Variants in GPR160 observed in about 807,000 individuals in gnomAD.
GPR160 encodes the protein probable G protein-coupled receptor 160.
Under a neutral mutation model 2.6 loss-of-function variants are expected in GPR160, and 2 were observed. The observed-to-expected ratio is 0.77, with a 90% CI of 0.32 to 2.44. The LOEUF (loss-of-function observed/expected upper bound fraction) is 2.44, where lower values mean the gene tolerates loss of function less well. GPR160 is among the 30% of genes most tolerant of loss of function. GPR160 has a pLI of 0.11. For missense variants in GPR160, 351 were observed against 383.6 expected, an observed-to-expected ratio of 0.91 and a Z score of 0.71; for synonymous variants, 130 against 132.2, an observed-to-expected ratio of 0.98 and a Z score of 0.12.
intron 2 of GPR160, among the ~76,000 whole-genome samples, chr3:170,064,944 C>G (rs1712235658): frequency 6.6e-6 from 1 of 152,138 alleles, no homozygotes; most frequent in Admixed American, 6.5e-5. Context: ...GATTCCCCCA[C>G]CCCACCCTGG....
chr3:170,051,588 G>A (rs1393465922), intron 2 of GPR160, among the ~76,000 whole-genome samples: 3 of 152,108 alleles, frequency 2.0e-5, no homozygotes, highest in East Asian at 1.9e-4. Context: ...AGCTGGGCGC[G>A]GTGGCATGCG....
chr3:170,059,166 C>A (rs527844064), intron 2 of GPR160, among the ~76,000 whole-genome samples: 1 of 152,022 alleles, frequency 6.6e-6, no homozygotes, highest in East Asian at 1.9e-4. Context: ...CTTTTCTGAG[C>A]GTACCTTTTT....
intron 2 of GPR160, among the ~76,000 whole-genome samples, chr3:170,044,795 C>G (rs568308953): frequency 6.6e-6 from 1 of 152,322 alleles, no homozygotes; most frequent in South Asian, 2.1e-4. Flanking sequence ...CCCCATCCTT[C>G]TCTGCCTACC....
chr3:170,066,130 CTTTTTTTTTTTTT>C (rs768660597), intron 2 of GPR160, among the ~76,000 whole-genome samples: 4 of 85,168 alleles, frequency 4.7e-5, no homozygotes, highest in Admixed American at 1.5e-4. Flanking sequence ...TTTTCTTTTT[CTTTTTTTTTTTTT>C]TTTTTTTTTT....
In GPR160 at chr3:170,084,327, G is replaced by GATT. The variant is rs751275473; in HGVS notation, c.359_361dup (p.Tyr120dup). On this transcript the variant is annotated inframe_insertion, in exon 4 of 4. Coordinates refer to ENST00000355897, the MANE Select transcript of GPR160 (RefSeq NM_014373.3). ...TCCAGTTTTCCTGACAGCTTGTATA[G>GATT]ATTATTGCCTGAATTTCTCTAAAAC... The GATT allele has an allele frequency of 1.2e-6, 2 of 1,608,980 alleles. No individual in the cohort carries two copies. The highest frequency in any genetic ancestry group is 1.7e-6 in the Non-Finnish European group (2 of 1,176,794).
chr3:170,058,383 C>T (rs138737280), intron 2 of GPR160, among the ~76,000 whole-genome samples: 60 of 152,260 alleles, frequency 3.9e-4, no homozygotes, highest in East Asian at 2.1e-3. Flanking sequence ...TGTCTGCTCA[C>T]GCCCCACCGG....
Position 170,039,578 on chromosome 3 carries a change from C to T in GPR160, c.-193+535C>T, listed in dbSNP as rs142094110. The stretch of plus-strand genomic sequence containing the variant: ...CAAAAATTAGCTGGGTGTGGTGACA[C>T]GCGCCTGTAATCCCGGCTACTCGGG... On this transcript the variant is annotated intron_variant, in intron 2 of 3. Coordinates refer to ENST00000355897, the MANE Select transcript of GPR160 (RefSeq NM_014373.3). 5.2e-3 allele frequency among the ~76,000 whole-genome samples: 799 copies of T among 152,270 alleles called. 9 individuals carry two copies. The highest frequency in any genetic ancestry group is 0.018 in the African/African-American group (755 of 41,548).
At chr3:170,072,774 C>A (rs987213612) in intron 2 of GPR160, among the ~76,000 whole-genome samples, 1 of 152,152 alleles carries the variant, frequency 6.6e-6, no homozygotes, top group African/African-American at 2.4e-5. Context: ...GATCCACCCC[C>A]ATGACCCAAA....
chr3:170,082,148 T>C (rs1713166660), intron 3 of GPR160, among the ~76,000 whole-genome samples: 1 of 152,214 alleles, frequency 6.6e-6, no homozygotes, highest in South Asian at 2.1e-4. Context: ...ACTACTACTG[T>C]ATTGGTAACT....
chr3:170,042,683 A>AAT, intron 2 of GPR160, among the ~76,000 whole-genome samples: 1 of 148,406 alleles, frequency 6.7e-6, no homozygotes, highest in East Asian at 1.9e-4. Flanking sequence ...AAAAATAAAT[A>AAT]AATAATAATA....
intron 2 of GPR160, among the ~76,000 whole-genome samples, chr3:170,053,235 A>G (rs1475611725): frequency 6.6e-6 from 1 of 152,226 alleles, no homozygotes; most frequent in Non-Finnish European, 1.5e-5. Flanking sequence ...GAGGATTGAC[A>G]TGTTAATAAT....
intron 2 of GPR160, among the ~76,000 whole-genome samples, chr3:170,067,385 A>G (rs1336848544): frequency 1.3e-5 from 2 of 151,896 alleles, no homozygotes; most frequent in Non-Finnish European, 2.9e-5. Context: ...ATCTCTTCAA[A>G]TCCTTTGTTC....
chr3:170,062,542 G>A lies in GPR160; in HGVS notation c.-192-17232G>A, dbSNP rs920478090. On this transcript the variant is annotated intron_variant, in intron 2 of 3. Transcript: ENST00000355897. ...ACACGGAGCACGAAGCCCAAGCACAGAAGATCAAAGACGCCAGGAGAGGAC... is the reference window on the plus strand; with the variant it reads ...ACACGGAGCACGAAGCCCAAGCACAAAAGATCAAAGACGCCAGGAGAGGAC... 7.2e-6 allele frequency: 5 copies of A among 696,142 alleles called. No homozygotes were observed. In the African/African-American group the frequency reaches 9.0e-5, roughly 13 times the overall value. 43.1% of individuals were successfully genotyped at this position (696,142 alleles called of 1,614,324 possible).
chr3:170,066,208 T>C (rs1028571170), intron 2 of GPR160, among the ~76,000 whole-genome samples: 2 of 132,846 alleles, frequency 1.5e-5, no homozygotes, highest in African/African-American at 5.6e-5. Context: ...TGGCACGATC[T>C]CGGCTCCCTG....
chr3:170,084,002 T>C lies in GPR160; in HGVS notation c.30T>C (p.Ser10=). MTALSSENC[S]FQYQLRQTNQ... ...CTGCTCTCTCTTCAGAGAACTGCTCTTTTCAGTACCAGTTACGTCAAACAA... is the reference window on the plus strand; with the variant it reads ...CTGCTCTCTCTTCAGAGAACTGCTCCTTTCAGTACCAGTTACGTCAAACAA... Residue 10 remains serine (S), a synonymous_variant, in exon 4 of 4, where the codon TCT becomes TCC. Coordinates refer to ENST00000355897, the MANE Select transcript of GPR160 (RefSeq NM_014373.3). 6.5e-7 allele frequency: 1 copy of C among 1,528,396 alleles called. No homozygotes were observed. 94.7% of individuals were successfully genotyped at this position (1,528,396 alleles called of 1,614,324 possible). A position where few individuals can be genotyped will look rare whatever the true frequency, so the allele number is the denominator to read the frequency against.
intron 2 of GPR160, among the ~76,000 whole-genome samples, chr3:170,055,282 T>G (rs1022378217): frequency 1.1e-4 from 16 of 152,206 alleles, no homozygotes; most frequent in African/African-American, 3.6e-4. Flanking sequence ...GGACCCCGGC[T>G]GATTGGGTCC....
intron 2 of GPR160, among the ~76,000 whole-genome samples, chr3:170,070,165 T>C (rs1439168611): frequency 6.6e-6 from 1 of 152,220 alleles, no homozygotes. Flanking sequence ...TTGCCATGAA[T>C]TCAGATAAAT....
Position 170,066,171 on chromosome 3 carries a change from C to T in GPR160, c.-192-13603C>T, listed in dbSNP as rs575879694. Among the ~76,000 whole-genome samples the T allele has an allele frequency of 3.8e-3, 401 of 105,860 alleles. 3 individuals carry two copies. The highest frequency in any genetic ancestry group is 5.3e-3 in the Non-Finnish European group (308 of 58,140). The allele number at this position is 105,860 out of a possible 152,430, so 69.4% of individuals were successfully genotyped here. On this transcript the variant is annotated intron_variant, in intron 2 of 3. Coordinates refer to ENST00000355897, the MANE Select transcript of GPR160 (RefSeq NM_014373.3). ...TTTTTTTTTTTTTGTGACAGAGCCT[C>T]GCTCTGTCACCCAGGCTGGAGTCCA...
At chr3:170,056,811 A>C (rs1711667043) in intron 2 of GPR160, among the ~76,000 whole-genome samples, 1 of 152,232 alleles carries the variant, frequency 6.6e-6, no homozygotes, top group Non-Finnish European at 1.5e-5. Flanking sequence ...TATTTTTGGC[A>C]GAAAAAGCCT....
Sources: gnomAD v4.1 joint callset for allele counts (sites outside exome capture counted in the v4.1 genomes callset) on GRCh38, gnomAD v4.1.1 for gene constraint, MANE v1.5 for transcripts, NCBI Gene and HGNC (gene_info 2026-07-23, HGNC 2026-07-21) for gene names.